The following RPS29 variants were observed in gnomAD, a reference collection of about 807,000 sequenced individuals.
The protein encoded by RPS29 is small ribosomal subunit protein uS14.
For synonymous variants in RPS29, 37 were observed against 26.9 expected (o/e 1.37, Z -1.16); for missense variants, 60 against 75.7 (o/e 0.79, Z 0.77).
chr14:49,579,886 T>C (rs1881288119), downstream of RPS29, among the ~76,000 whole-genome samples: 1 of 152,232 alleles, frequency 6.6e-6, no homozygotes, highest in Non-Finnish European at 1.5e-5. Context: ...TGTCTCTTTC[T>C]TTGGGAGACC....
intron 2 of RPS29, chr14:49,585,583 TAA>T (rs71441227): frequency 8.0e-3 from 2,251 of 282,582 alleles, no homozygotes; most frequent in South Asian, 0.014. Flanking sequence ...ACCCTATCTC[TAA>T]AAAAAAAAAA....
chr14:49,572,958 TTGGGAGGCTGAGG>T, exon 3 of RPS29: 2 of 152,104 alleles, frequency 1.3e-5, no homozygotes, highest in East Asian at 3.9e-4. Context: ...TCCCAGATAC[TTGGGAGGCTGAGG>T]TGGGAAGATT....
downstream of RPS29, among the ~76,000 whole-genome samples, chr14:49,582,056 T>G (rs1260032796): frequency 1.4e-5 from 2 of 143,022 alleles, no homozygotes; most frequent in Non-Finnish European, 3.0e-5. Flanking sequence ...TCTCAACCAC[T>G]CCCATCTATC....
Position 49,586,272 on chromosome 14 carries a change from A to C in RPS29, c.62+13T>G. 1 of 1,613,228 alleles carries C rather than the reference A, an allele frequency of 6.2e-7. No individual in the cohort carries two copies. The highest frequency in any genetic ancestry group is 8.5e-7 in the Non-Finnish European group (1 of 1,179,214). ...ACGGCAACGCTTCCCCAAAATCACA[A>C]ACTATTTCTCACCAAGAGCGAGAAC... is the stretch of plus-strand genomic sequence containing the variant. On this transcript the variant is annotated intron_variant, in intron 1 of 2. Coordinates refer to ENST00000245458, the MANE Select transcript of RPS29 (RefSeq NM_001032.5).
chr14:49,576,740 T>C (rs905245427), exon 3 of RPS29: 1 of 152,132 alleles, frequency 6.6e-6, no homozygotes, highest in African/African-American at 2.4e-5. Flanking sequence ...GGGAGCGGTT[T>C]CCCCCATACT....
exon 3 of RPS29, chr14:49,573,365 G>A (rs2139498481): frequency 6.6e-6 from 1 of 151,506 alleles, no homozygotes; most frequent in Non-Finnish European, 1.5e-5. Context: ...CTACTCCAGA[G>A]GCTAAGTTAA....
At chr14:49,578,470 A>G (rs1881245639) in intron 2 of RPS29, among the ~76,000 whole-genome samples, 1 of 151,994 alleles carries the variant, frequency 6.6e-6, no homozygotes, top group African/African-American at 2.4e-5. Context: ...AACATAATAA[A>G]ATTGTAGCAC....
rs113085857 is a variant in RPS29, at chr14:49,595,616, T to TA, written c.-133+2783dup. Among the ~76,000 whole-genome samples, 1,397 of 140,122 alleles carry TA rather than the reference T, an allele frequency of 1.0e-2. 17 individuals are homozygous for TA. Among genetic ancestry groups the TA allele is most frequent in the African/African-American group, 0.032 (1,240 of 38,296 alleles). 91.9% of individuals were successfully genotyped at this position (140,122 alleles called of 152,430 possible). On this transcript the variant is annotated intron_variant, in intron 1 of 3. Transcript: ENST00000556230. ...CCCTGTCTCCAAAACTAAGCTAAACTAAAAAAAAAAAAATTCTGATGTGAC... is the reference window on the plus strand; with the variant it reads ...CCCTGTCTCCAAAACTAAGCTAAACTAAAAAAAAAAAAAATTCTGATGTGAC...
At chr14:49,578,447 G>C (rs1881245051) in intron 2 of RPS29, among the ~76,000 whole-genome samples, 1 of 149,758 alleles carries the variant, frequency 6.7e-6, no homozygotes, top group Non-Finnish European at 1.5e-5. Context: ...TTTTCCCTGT[G>C]TACTTGTTTT....
chr14:49,586,546 A>G (rs1320285681), upstream of RPS29: 2 of 604,176 alleles, frequency 3.3e-6, no homozygotes, highest in Admixed American at 2.7e-5. Flanking sequence ...ACCATACCAC[A>G]GCTTCTAGTG....
intron 2 of RPS29, among the ~76,000 whole-genome samples, chr14:49,583,987 C>G (rs1881425864): frequency 6.6e-6 from 1 of 152,110 alleles, no homozygotes. Flanking sequence ...TTACACAGTT[C>G]ATCATTTTTT....
In RPS29 at chr14:49,592,679, C is replaced by T. The variant is rs573758245; in HGVS notation, c.-133+5721G>A. On this transcript the variant is annotated intron_variant, in intron 1 of 3. Transcript: ENST00000556230. Reference sequence around the variant, plus strand: ...ATCCCAGCACTTTGGGAGGCCGAGACGCGTGGGTCACCTGAGGTCAGGAGT... The same window carrying T: ...ATCCCAGCACTTTGGGAGGCCGAGATGCGTGGGTCACCTGAGGTCAGGAGT... Among the ~76,000 whole-genome samples, 57 of 150,696 alleles carry T rather than the reference C, an allele frequency of 3.8e-4. No individual in the cohort carries two copies. The East Asian group carries it at 0.01, about 27-fold the overall frequency.
At chr14:49,572,506 A>G (rs949962191) in exon 3 of RPS29, 3 of 152,234 alleles carry the variant, frequency 2.0e-5, no homozygotes, top group Non-Finnish European at 4.4e-5. Context: ...AGTACCCTGT[A>G]GTGTCATAGA....
At chr14:49,587,699 G>A (rs1165958429), upstream of RPS29, among the ~76,000 whole-genome samples, 3 of 152,198 alleles carry the variant, frequency 2.0e-5, no homozygotes, top group African/African-American at 7.2e-5. Context: ...TACAACGTTT[G>A]TGCACCAACA....
At chr14:49,597,971 T>C (rs1881872916) in intron 1 of RPS29, 1 of 158,658 alleles carries the variant, frequency 6.3e-6, no homozygotes, top group Non-Finnish European at 1.4e-5. Flanking sequence ...TAATCACTTT[T>C]TTCCAGGAAC....
At chr14:49,571,714 A>G (rs889891207) in exon 3 of RPS29, 1 of 152,228 alleles carries the variant, frequency 6.6e-6, no homozygotes, top group South Asian at 2.1e-4. Context: ...GTTGGTGAAC[A>G]TATCAATGTG....
At chr14:49,576,703 G>A (rs1367172325) in exon 3 of RPS29, 1 of 151,478 alleles carries the variant, frequency 6.6e-6, no homozygotes, top group Non-Finnish European at 1.5e-5. Context: ...GTTGTGAGAG[G>A]GACCCGGTGG....
chr14:49,595,333 C>T (rs185335837), intron 1 of RPS29, among the ~76,000 whole-genome samples: 214 of 152,208 alleles, frequency 1.4e-3, no homozygotes, highest in Non-Finnish European at 1.3e-3. Context: ...TACCTGTAAT[C>T]CGAGCACTTT....
exon 3 of RPS29, chr14:49,573,572 T>C (rs1881109017): frequency 6.6e-6 from 1 of 151,902 alleles, no homozygotes; most frequent in Admixed American, 6.6e-5. Flanking sequence ...TTTCAGAAGC[T>C]ATATTTGACA....
Sources: gnomAD v4.1 joint callset for allele counts (sites outside exome capture counted in the v4.1 genomes callset) on GRCh38, gnomAD v4.1.1 for gene constraint, MANE v1.5 for transcripts, NCBI Gene and HGNC (gene_info 2026-07-23, HGNC 2026-07-21) for gene names.